Variants in FCHO1 observed in about 807,000 individuals in gnomAD.
FCHO1 encodes FCH and mu domain containing endocytic adaptor 1, also known as F-BAR domain only protein 1.
Under a neutral mutation model 114.4 loss-of-function variants are expected in FCHO1, and 45 were observed. The observed-to-expected ratio is 0.39, with a 90% confidence interval of 0.31 to 0.50. FCHO1 has a LOEUF of 0.50. Among genes scored for constraint, FCHO1 ranks in the 20% least tolerant of loss-of-function variants. FCHO1 has a pLI of 0.77. For missense variants in FCHO1, 1,042 were observed against 1,209.6 expected, an observed-to-expected ratio of 0.86 and a Z score of 2.06; for synonymous variants, 480 against 488.9, an observed-to-expected ratio of 0.98 and a Z score of 0.24.
chr19:17,749,070 C>T (rs1338549173), upstream of FCHO1, among the ~76,000 whole-genome samples: 1 of 152,080 alleles, frequency 6.6e-6, no homozygotes, highest in Non-Finnish European at 1.5e-5. Flanking sequence ...GATGGGGCAT[C>T]GCCACCCTGG....
Position 17,775,807 on chromosome 19 carries a change from C to CG in FCHO1, c.1004-168dup, listed in dbSNP as rs141975198. On this transcript the variant is annotated intron_variant, in intron 15 of 28. Coordinates refer to ENST00000596536, the MANE Select transcript of FCHO1 (RefSeq NM_015122.3). The surrounding 1 kb of genome is among the most constrained non-coding windows in gnomAD (Gnocchi z 5.1). ...TGGGCATGCTTGTGCAAAGGCTTCT[C>CG]GGGGGGGGTGGGAGTGCTGGTGGGA... 2.7e-3 allele frequency among the ~76,000 whole-genome samples: 392 copies of CG among 143,258 alleles called. 2 individuals carry two copies. Among genetic ancestry groups the CG allele is most frequent in the African/African-American group, 7.9e-3 (304 of 38,296 alleles). The allele number at this position is 143,258 out of a possible 152,430, so 94.0% of individuals were successfully genotyped here.
intron 19 of FCHO1, 118 bp downstream of exon 19, chr19:17,778,346 G>T: frequency 1.1e-6 from 1 of 889,938 alleles, no homozygotes; most frequent in South Asian, 1.4e-5. Flanking sequence ...GGACTAGTCC[G>T]TGTAGGGGTG....
Position 17,778,579 on chromosome 19 carries a change from C to T in FCHO1, c.1352-30C>T. 5 of 1,502,824 alleles carry T rather than the reference C, an allele frequency of 3.3e-6. No homozygotes were observed. In the South Asian group the frequency reaches 6.4e-5, roughly 19 times the overall value. The allele number at this position is 1,502,824 out of a possible 1,614,324, so 93.1% of individuals were successfully genotyped here. On this transcript the variant is annotated intron_variant, in intron 19 of 28. Transcript: ENST00000596536. ...GCAGGGACTCTGAGTGGGCGAGGGT[C>T]GGAGCTGACCGCCCGCTTCCCTCCC...
At position 17,770,590 on chromosome 19, in the gene FCHO1, T is replaced by TG. The variant is rs751421628; in HGVS notation, c.489+20dup. ...GGAGATGGACAAGGTGGGCTCACAG[T>TG]GGGGGGGTTCTGAGGAATTTGCCGC... is the stretch of plus-strand genomic sequence containing the variant. On this transcript the variant is annotated intron_variant, in intron 8 of 28. Coordinates refer to ENST00000596536, the MANE Select transcript of FCHO1 (RefSeq NM_015122.3). The TG allele has an allele frequency of 4.7e-5, 75 of 1,606,712 alleles. No individual in the cohort carries two copies. The African/African-American group carries it at 5.5e-4, about 12-fold the overall frequency.
rs879793317 is a variant in FCHO1 at position 17,786,359 on chromosome 19, CAA to C, written c.2427-213_2427-212del. Among the ~76,000 whole-genome samples, 429 of 124,520 alleles carry C rather than the reference CAA, an allele frequency of 3.4e-3. 1 individual carries two copies. Among genetic ancestry groups the C allele is most frequent in the African/African-American group, 0.012 (408 of 34,388 alleles). The allele number at this position is 124,520 out of a possible 152,430, so 81.7% of individuals were successfully genotyped here. On this transcript the variant is annotated intron_variant, in intron 26 of 28. Coordinates refer to ENST00000596536, the MANE Select transcript of FCHO1 (RefSeq NM_015122.3). ...AAAAAACACACAAAAAAACACAAAA[CAA>C]ACACACACACACACACACACACAGA...
chr19:17,781,826 C>T lies in FCHO1; in HGVS notation c.1937+6C>T, dbSNP rs774775819. ...TTCCGTGGCCACAGCCCCAGGTACC[C>T]AGTGATGGGCAGACAGGGCCCGTGG... On this transcript the variant is annotated splice_donor_region_variant and intron_variant, in intron 23 of 28. Coordinates refer to ENST00000596536, the MANE Select transcript of FCHO1 (RefSeq NM_015122.3). 1.3e-5 allele frequency: 20 copies of T among 1,558,268 alleles called. No homozygotes were observed. The South Asian group carries it at 1.8e-4, about 14-fold the overall frequency.
rs2093663887 is a variant in FCHO1, at chr19:17,784,105, A to T, written c.2096A>T (p.Asp699Val). ...FQPNADLLFS[D>V]PSQSDPETKD... Reference sequence around the variant, plus strand: ...GTGATCAGTCCGGGTCTCTGCAGTGACCCCTCCCAGAGTGACCCTGAGACC... The same window carrying T: ...GTGATCAGTCCGGGTCTCTGCAGTGTCCCCTCCCAGAGTGACCCTGAGACC... The change falls in exon 25 of 29, where the codon GAC becomes GTC. Residue 699 changes from aspartate (D) to valine (V), a missense_variant and splice_region_variant. This residue lies in a region of FCHO1 where 455 missense variants were observed against 455.4 expected (regional missense o/e 1.00). Transcript: ENST00000596536. This position sits in a 1 kb window ranked among gnomAD's most constrained non-coding sequence, Gnocchi z 5.3. 3.1e-6 allele frequency: 5 copies of T among 1,613,786 alleles called. No individual in the cohort carries two copies. The highest frequency in any genetic ancestry group is 4.2e-6 in the Non-Finnish European group (5 of 1,179,930).
rs1312085391 is a variant in FCHO1 at position 17,775,438 on chromosome 19, G to A, written c.946-18G>A. On this transcript the variant is annotated intron_variant, in intron 14 of 28. Transcript: ENST00000596536. This position sits in a 1 kb window ranked among gnomAD's most constrained non-coding sequence, Gnocchi z 5.1. The stretch of plus-strand genomic sequence containing the variant: ...ATAGTGGGGCGCCTGACTCACTGCT[G>A]CCCCCTGACTCCCCTAGACATGTCC... 6.2e-7 allele frequency: 1 copy of A among 1,612,958 alleles called. No individual in the cohort carries two copies. Among genetic ancestry groups the A allele is most frequent in the South Asian group, 1.1e-5 (1 of 91,064 alleles).
At chr19:17,770,928 C>A in intron 9 of FCHO1, 32 bp downstream of exon 9, 2 of 1,570,826 alleles carry the variant, frequency 1.3e-6, no homozygotes, top group Non-Finnish European at 1.8e-6. Flanking sequence ...CTTTAAGACC[C>A]ACACATGCCT....
chr19:17,760,448 A>AT (rs2146495885), intron 4 of FCHO1, among the ~76,000 whole-genome samples: 1 of 152,190 alleles, frequency 6.6e-6, no homozygotes, highest in African/African-American at 2.4e-5. Context: ...TTGTTGCCTC[A>AT]TTTTTTCCTA....
intron 18 of FCHO1, among the ~76,000 whole-genome samples, chr19:17,777,018 G>A (rs898141810): frequency 1.6e-4 from 24 of 151,698 alleles, no homozygotes; most frequent in African/African-American, 5.6e-4. Context: ...GGCTGGTCTC[G>A]AACTCCTGAC....
chr19:17,785,025 C>G (rs551443835), intron 26 of FCHO1, 101 bp downstream of exon 26: 4 of 1,193,826 alleles, frequency 3.4e-6, no homozygotes, highest in Non-Finnish European at 4.8e-6. Context: ...TCGGCCTGAC[C>G]GTTAACTGTG....
chr19:17,788,254 C>A (rs954886617), intron 28 of FCHO1, 30 bp from the exon 29 acceptor site: 3 of 1,398,644 alleles, frequency 2.1e-6, no homozygotes, highest in Non-Finnish European at 3.0e-6. Flanking sequence ...CTCCTCCCCA[C>A]CCCTCCCCCT....
intron 4 of FCHO1, among the ~76,000 whole-genome samples, chr19:17,759,335 G>A (rs906283439): frequency 5.5e-5 from 8 of 146,020 alleles, no homozygotes; most frequent in African/African-American, 1.5e-4. Context: ...CAATTCTCCC[G>A]CCTCAGCCTC....
At chr19:17,771,345 C>T (rs188577633) in intron 9 of FCHO1, among the ~76,000 whole-genome samples, 4 of 147,944 alleles carry the variant, frequency 2.7e-5, no homozygotes, top group African/African-American at 5.0e-5. Flanking sequence ...TCATTCAAAC[C>T]GACAGGTGTA....
At chr19:17,749,690 G>A (rs1168618782), upstream of FCHO1, among the ~76,000 whole-genome samples, 7 of 152,166 alleles carry the variant, frequency 4.6e-5, no homozygotes, top group Non-Finnish European at 1.0e-4. Context: ...CCCCATCGTG[G>A]TGCTGGTTGA....
intron 23 of FCHO1, 123 bp from the exon 24 acceptor site, chr19:17,782,894 G>A (rs1347328384): frequency 2.8e-6 from 3 of 1,080,082 alleles, no homozygotes; most frequent in Admixed American, 5.1e-5. Context: ...GGGATCATCA[G>A]GGCCATCCTC....
chr19:17,787,823 T>C lies in FCHO1; in HGVS notation c.2624T>C (p.Leu875Pro). ...ELVGSGYRMSLVKRRFATGMY... is the reference protein window; with the variant it reads ...ELVGSGYRMSPVKRRFATGMY... ...GTGGGCAGCGGTTACCGCATGTCGCTGGTGAAGAGGAGGTTTGCCACAGGT... is the reference window on the plus strand; with the variant it reads ...GTGGGCAGCGGTTACCGCATGTCGCCGGTGAAGAGGAGGTTTGCCACAGGT... Residue 875 changes from leucine (L) to proline (P), a missense_variant, in exon 28 of 29, where the codon CTG (leucine) becomes CCG (proline). Physicochemically the swap from Leu to Pro is moderately conservative, Grantham distance 98. Around this residue, in one of 3 missense-constraint regions of FCHO1, gnomAD observed 137 missense variants for 190.0 expected, o/e 0.72. Transcript: ENST00000596536. The C allele has an allele frequency of 1.2e-6, 2 of 1,613,428 alleles. No individual in the cohort carries two copies. The highest frequency in any genetic ancestry group is 1.7e-6 in the Non-Finnish European group (2 of 1,179,844).
chr19:17,781,701 A>G lies in FCHO1; in HGVS notation c.1829-11A>G, dbSNP rs2093427263. 6.3e-7 allele frequency: 1 copy of G among 1,590,170 alleles called. No homozygotes were observed. Among genetic ancestry groups the G allele is most frequent in the Non-Finnish European group, 8.6e-7 (1 of 1,166,964 alleles). ...ATCCGTTGTTCCCCATTCCCTCTCC[A>G]CCACCCCCAGGAGTCTCCCGGGGTC... On this transcript the variant is annotated splice_polypyrimidine_tract_variant and intron_variant, in intron 22 of 28. Coordinates refer to ENST00000596536, the MANE Select transcript of FCHO1 (RefSeq NM_015122.3).
Sources: gnomAD v4.1 joint callset for allele counts (sites outside exome capture counted in the v4.1 genomes callset) on GRCh38, gnomAD v4.1.1 for gene constraint, gnomAD v4.1.1 regional missense constraint, Gnocchi (gnomAD v3.1) non-coding constraint, MANE v1.5 for transcripts, NCBI Gene and HGNC (gene_info 2026-07-23, HGNC 2026-07-21) for gene names.